Variants in MYCBP2 observed in about 807,000 individuals in gnomAD.
The protein encoded by MYCBP2 is MYC binding protein 2.
In MYCBP2, 120 loss-of-function variants were observed where a neutral mutation model predicts 525.3. The ratio of observed to expected loss-of-function variants is 0.23; its 90% CI spans 0.20 to 0.27. The LOEUF (loss-of-function observed/expected upper bound fraction) is 0.27. Ranked by LOEUF, MYCBP2 falls within the 10% of genes least tolerant of loss-of-function variation. MYCBP2 has a pLI of 1.00. For missense variants in MYCBP2, 4,149 were observed against 5,657.1 expected, an observed-to-expected ratio of 0.73 and a Z score of 8.55; for synonymous variants, 1,894 against 1,955.8, an observed-to-expected ratio of 0.97 and a Z score of 0.83.
At chr13:77,133,408 T>A (rs1322307274) in intron 52 of MYCBP2, among the ~76,000 whole-genome samples, 1 of 152,180 alleles carries the variant, frequency 6.6e-6, no homozygotes, top group Admixed American at 6.5e-5. Context: ...GTGTAAAGCA[T>A]CAACAAACTG....
chr13:77,068,141 A>C (rs2040505437), intron 70 of MYCBP2, among the ~76,000 whole-genome samples: 3 of 152,110 alleles, frequency 2.0e-5, no homozygotes. Flanking sequence ...TAACTTCAAA[A>C]TCTTTAAGAA....
At chr13:77,292,271 C>T (rs1366666882) in intron 2 of MYCBP2, among the ~76,000 whole-genome samples, 2 of 152,146 alleles carry the variant, frequency 1.3e-5, no homozygotes, top group Non-Finnish European at 2.9e-5. Context: ...TTTCCTGCTG[C>T]TTGCTCTGTA....
chr13:77,156,363 G>A (rs550428315), intron 45 of MYCBP2, among the ~76,000 whole-genome samples, 161 bp from the exon 46 acceptor site: 11 of 152,150 alleles, frequency 7.2e-5, no homozygotes, highest in Non-Finnish European at 1.0e-4. Flanking sequence ...GTCTCCCTCA[G>A]AAACTGTTAA....
chr13:77,169,488 C>A, intron 39 of MYCBP2, 126 bp downstream of exon 39: 5 of 605,810 alleles, frequency 8.3e-6, no homozygotes, highest in Non-Finnish European at 1.2e-5. Flanking sequence ...GCAGATCTAT[C>A]TCTGCTTGTT....
intron 41 of MYCBP2, 88 bp downstream of exon 41, chr13:77,166,241 A>G: frequency 1.0e-6 from 1 of 959,870 alleles, no homozygotes; most frequent in East Asian, 2.6e-5. Flanking sequence ...TCTAAAAATT[A>G]GATAAACATT....
In MYCBP2 at chr13:77,062,576, T is replaced by G; in HGVS notation, c.12774+20A>C. 6.3e-7 allele frequency: 1 copy of G among 1,597,772 alleles called. No homozygotes were observed. The highest frequency in any genetic ancestry group is 8.6e-7 in the Non-Finnish European group (1 of 1,165,324). The stretch of plus-strand genomic sequence containing the variant: ...CTGTAAAGGAAAGCAAGATAAATTC[T>G]TACAAAATTCTGATCTTACCATTTG... On this transcript the variant is annotated intron_variant, in intron 74 of 82. Coordinates refer to ENST00000544440, the MANE Select transcript of MYCBP2 (RefSeq NM_015057.5).
At chr13:77,304,141 G>GA (rs913781837) in intron 1 of MYCBP2, among the ~76,000 whole-genome samples, 4 of 151,888 alleles carry the variant, frequency 2.6e-5, no homozygotes, top group East Asian at 3.9e-4. Flanking sequence ...ATATCCAAAG[G>GA]AAAAAAATCC....
intron 45 of MYCBP2, among the ~76,000 whole-genome samples, chr13:77,156,592 A>T (rs7984991): frequency 0.013 from 2,042 of 152,322 alleles, 46 homozygotes; most frequent in African/African-American, 0.045. Flanking sequence ...GCAAGCCTGG[A>T]AAAAGCAGTG....
At chr13:77,047,934 C>G (rs2035921534) in intron 82 of MYCBP2, among the ~76,000 whole-genome samples, 1 of 152,092 alleles carries the variant, frequency 6.6e-6, no homozygotes, top group African/African-American at 2.4e-5. Context: ...TTTGGGCCCC[C>G]CTCTCTGCTG....
At chr13:77,157,845 G>A (rs753703915) in intron 45 of MYCBP2, 92 bp downstream of exon 45, 16 of 1,034,366 alleles carry the variant, frequency 1.5e-5, no homozygotes, top group Non-Finnish European at 2.3e-5. Flanking sequence ...CTTTTTTAAA[G>A]TAGTATTTTA....
At chr13:77,302,504 C>A (rs994911277) in intron 1 of MYCBP2, among the ~76,000 whole-genome samples, 1 of 151,892 alleles carries the variant, frequency 6.6e-6, no homozygotes, top group Admixed American at 6.6e-5. Context: ...GTTTTTAGAT[C>A]CATGAAAGCT....
chr13:77,170,773 C>T (rs1291990681), intron 38 of MYCBP2, among the ~76,000 whole-genome samples: 1 of 151,982 alleles, frequency 6.6e-6, no homozygotes, highest in Admixed American at 6.6e-5. Flanking sequence ...GATGGGCTTT[C>T]ACCATGTTGC....
chr13:77,286,613 G>C (rs1480317228), intron 3 of MYCBP2, among the ~76,000 whole-genome samples: 1 of 148,252 alleles, frequency 6.7e-6, no homozygotes, highest in Non-Finnish European at 1.5e-5. Context: ...AAAATTAGCC[G>C]GGCGCGGTGG....
At position 77,059,407 on chromosome 13, in the gene MYCBP2, T is replaced by C. The variant is rs999677231; in HGVS notation, c.13140+116A>G. 9 of 774,286 alleles carry C rather than the reference T, an allele frequency of 1.2e-5. No individual in the cohort carries two copies. In the Admixed American group the frequency reaches 1.7e-4, roughly 15 times the overall value. The allele number at this position is 774,286 out of a possible 1,614,324, so 48.0% of individuals were successfully genotyped here. On this transcript the variant is annotated intron_variant, in intron 77 of 82. Coordinates refer to ENST00000544440, the MANE Select transcript of MYCBP2 (RefSeq NM_015057.5). ...TAAGGCATTTGATGCTTCACATAGGTAATACACTCATTTAGGAAGCTGGAG... is the reference window on the plus strand; with the variant it reads ...TAAGGCATTTGATGCTTCACATAGGCAATACACTCATTTAGGAAGCTGGAG...
chr13:77,109,441 C>T (rs2048404106), intron 55 of MYCBP2, among the ~76,000 whole-genome samples: 1 of 152,194 alleles, frequency 6.6e-6, no homozygotes, highest in Admixed American at 6.5e-5. Context: ...GGGTTCCTAA[C>T]AGGCCTTGGA....
intron 68 of MYCBP2, among the ~76,000 whole-genome samples, chr13:77,072,300 G>GAAAAAAAAAA (rs56238720): frequency 1.7e-3 from 207 of 121,086 alleles, no homozygotes; most frequent in Non-Finnish European, 2.1e-3. Context: ...CAAAAAAAAA[G>GAAAAAAAAAA]AAAAAAAAAA....
intron 8 of MYCBP2, among the ~76,000 whole-genome samples, chr13:77,265,074 A>T (rs1363315644): frequency 6.6e-6 from 1 of 152,184 alleles, no homozygotes; most frequent in East Asian, 1.9e-4. Context: ...CAGGAGCTTC[A>T]TACTAGCATA....
intron 11 of MYCBP2, 30 bp downstream of exon 11, chr13:77,262,023 C>T (rs1188559221): frequency 1.9e-6 from 3 of 1,566,618 alleles, no homozygotes; most frequent in Non-Finnish European, 2.6e-6. Flanking sequence ...TCAGAGAATG[C>T]TCATTTTTAA....
intron 3 of MYCBP2, among the ~76,000 whole-genome samples, chr13:77,287,635 C>G (rs950726865): frequency 1.3e-5 from 2 of 151,514 alleles, no homozygotes; most frequent in Non-Finnish European, 2.9e-5. Flanking sequence ...ATCAAGAGTA[C>G]AATTATAAGC....
Sources: gnomAD v4.1 joint callset for allele counts (sites outside exome capture counted in the v4.1 genomes callset) on GRCh38, gnomAD v4.1.1 for gene constraint, MANE v1.5 for transcripts, NCBI Gene and HGNC (gene_info 2026-07-23, HGNC 2026-07-21) for gene names.